The following FMN1 variants were observed in gnomAD, a reference collection of about 807,000 sequenced individuals.
The protein encoded by FMN1 is formin-1.
Under a neutral mutation model 132.4 loss-of-function variants are expected in FMN1, and 110 were observed. The ratio of observed to expected loss-of-function variants is 0.83; its 90% CI spans 0.71 to 0.97. The LOEUF (loss-of-function observed/expected upper bound fraction) is 0.97, where lower values mean the gene tolerates loss of function less well. Among genes scored for constraint, FMN1 ranks in the 50% least tolerant of loss-of-function variants. The probability of loss-of-function intolerance (pLI) is 0.00; values close to 1 mark genes in which losing one functional copy is unlikely to be tolerated. For missense variants in FMN1, 1,792 were observed against 1,705.3 expected, an observed-to-expected ratio of 1.05 and a Z score of -0.90; for synonymous variants, 722 against 651.7, an observed-to-expected ratio of 1.11 and a Z score of -1.64.
chr15:32,943,279 G>A (rs972565949), intron 9 of FMN1, among the ~76,000 whole-genome samples: 2 of 152,180 alleles, frequency 1.3e-5, no homozygotes, highest in South Asian at 4.1e-4. Flanking sequence ...GAACAACAGC[G>A]TGGAGAATTC....
chr15:32,783,169 G>A (rs907537641), intron 19 of FMN1, among the ~76,000 whole-genome samples: 4 of 151,820 alleles, frequency 2.6e-5, no homozygotes, highest in Non-Finnish European at 5.9e-5. Flanking sequence ...AAAAAATAAA[G>A]GTTATATGGC....
intron 2 of FMN1, among the ~76,000 whole-genome samples, chr15:33,187,146 T>C (rs191241937): frequency 5.3e-5 from 8 of 152,332 alleles, no homozygotes; most frequent in East Asian, 1.9e-4. Flanking sequence ...TTCAGAAACA[T>C]TGATATTAAT....
chr15:33,068,542 C>T (rs1482786958), intron 5 of FMN1, among the ~76,000 whole-genome samples: 1 of 152,082 alleles, frequency 6.6e-6, no homozygotes, highest in Non-Finnish European at 1.5e-5. Context: ...CTTACGAAGC[C>T]GCAATCAAGG....
intron 6 of FMN1, among the ~76,000 whole-genome samples, chr15:33,015,744 TACTC>T (rs1343277931): frequency 2.6e-5 from 4 of 152,216 alleles, no homozygotes; most frequent in African/African-American, 7.2e-5. Context: ...ACTTGGACGA[TACTC>T]AATCAGTGCT....
chr15:32,873,261 A>G (rs563613294), intron 16 of FMN1, among the ~76,000 whole-genome samples: 2 of 152,374 alleles, frequency 1.3e-5, no homozygotes, highest in Admixed American at 6.5e-5. Context: ...AGAAGGCTGC[A>G]TTGTCAATTT....
At chr15:33,118,602 G>A (rs929435604) in intron 4 of FMN1, among the ~76,000 whole-genome samples, 7 of 152,124 alleles carry the variant, frequency 4.6e-5, no homozygotes, top group African/African-American at 1.7e-4. Flanking sequence ...GACAGTTCCT[G>A]TAGGAAACAA....
intron 4 of FMN1, among the ~76,000 whole-genome samples, chr15:33,115,138 G>A (rs11855782): frequency 0.1 from 15,911 of 152,152 alleles, 2,525 homozygotes; most frequent in African/African-American, 0.35. Flanking sequence ...TTGCCTTCAA[G>A]GAGTCCAGTC....
intron 2 of FMN1, among the ~76,000 whole-genome samples, chr15:33,184,387 T>G (rs1239191430): frequency 6.6e-6 from 1 of 152,226 alleles, no homozygotes; most frequent in Non-Finnish European, 1.5e-5. Context: ...GGTAGGAATA[T>G]AGATCATTGT....
chr15:32,955,804 C>T (rs927899410), intron 9 of FMN1, among the ~76,000 whole-genome samples: 5 of 138,830 alleles, frequency 3.6e-5, no homozygotes, highest in Admixed American at 6.8e-5. Context: ...GATGTGTGTG[C>T]GTGTGCGTGT....
At chr15:33,155,343 C>G (rs1269268543) in intron 3 of FMN1, among the ~76,000 whole-genome samples, 1 of 152,220 alleles carries the variant, frequency 6.6e-6, no homozygotes, top group Non-Finnish European at 1.5e-5. Context: ...CTCAACTTCT[C>G]TAGACCTTGG....
chr15:33,039,565 T>G (rs2036334753), intron 6 of FMN1, among the ~76,000 whole-genome samples: 1 of 152,172 alleles, frequency 6.6e-6, no homozygotes, highest in African/African-American at 2.4e-5. Context: ...GGATAAACTA[T>G]AAAAATAATA....
At chr15:32,792,930 G>A (rs1189080918) in intron 19 of FMN1, among the ~76,000 whole-genome samples, 1 of 152,132 alleles carries the variant, frequency 6.6e-6, no homozygotes, top group Non-Finnish European at 1.5e-5. Flanking sequence ...TATACATGAG[G>A]AAAATTGATT....
intron 17 of FMN1, among the ~76,000 whole-genome samples, chr15:32,814,066 C>T (rs1252345964): frequency 1.3e-5 from 2 of 152,152 alleles, no homozygotes; most frequent in East Asian, 3.8e-4. Flanking sequence ...TGCTTTAAAA[C>T]AGACCGTGGG....
At chr15:32,870,159 T>C (rs999323831) in intron 16 of FMN1, among the ~76,000 whole-genome samples, 3 of 152,142 alleles carry the variant, frequency 2.0e-5, no homozygotes, top group South Asian at 2.1e-4. Flanking sequence ...TTTCCTTTCA[T>C]GGTAGTAGGA....
At chr15:32,820,199 A>C (rs1396378427) in intron 17 of FMN1, among the ~76,000 whole-genome samples, 2 of 152,194 alleles carry the variant, frequency 1.3e-5, no homozygotes, top group Non-Finnish European at 2.9e-5. Flanking sequence ...TACAACGTGA[A>C]GGGTGTATAT....
At chr15:33,067,710 CT>C (rs1311631884) in intron 5 of FMN1, 1 of 1,613,880 alleles carries the variant, frequency 6.2e-7, no homozygotes, top group Non-Finnish European at 8.5e-7. Context: ...CTATGGAATG[CT>C]TTCAGCACAG....
intron 5 of FMN1, chr15:33,067,813 T>G: frequency 6.2e-7 from 1 of 1,614,006 alleles, no homozygotes; most frequent in Non-Finnish European, 8.5e-7. Flanking sequence ...ACTGAGCCAC[T>G]TCAAGTCCGG....
Position 32,869,997 on chromosome 15 carries a change from G to A in FMN1, c.3836-12890C>T, listed in dbSNP as rs575143521. On this transcript the variant is annotated intron_variant, in intron 16 of 20. Coordinates refer to ENST00000616417, the MANE Select transcript of FMN1 (RefSeq NM_001277313.2). ...TAAGAAGTTAAGCTACAGAAAGAAC[G>A]CCAAAATGGGGAAGTCGTTGGAATT... Among the ~76,000 whole-genome samples the A allele has an allele frequency of 1.1e-3, 163 of 152,142 alleles. 3 individuals are homozygous for A. The highest frequency in any genetic ancestry group is 2.6e-4 in the Non-Finnish European group (18 of 68,024).
chr15:32,969,455 A>G lies in FMN1; in HGVS notation c.2246T>C (p.Phe749Ser), dbSNP rs1037899382. 1 of 1,613,752 alleles carries G rather than the reference A, an allele frequency of 6.2e-7. No homozygotes were observed. The highest frequency in any genetic ancestry group is 8.5e-7 in the Non-Finnish European group (1 of 1,179,836). Residue 749 changes from phenylalanine (F) to serine (S), a missense_variant, in exon 8 of 21, where the codon TTT (phenylalanine) becomes TCT (serine). Phe to Ser is a radical substitution (Grantham distance 155). This residue lies in a region of FMN1 where 1,150 missense variants were observed against 1,043.1 expected (regional missense o/e 1.10). Transcript: ENST00000616417. Reference sequence around the variant, plus strand: ...CATTGCATGCTCGCCCCGGATATGAAATGCCCGAAGTTCAAACTGTGCCTA... The same window carrying G: ...CATTGCATGCTCGCCCCGGATATGAGATGCCCGAAGTTCAAACTGTGCCTA... ...NLQAQFELRAFHIRGEHAMIT... is the reference protein window; with the variant it reads ...NLQAQFELRASHIRGEHAMIT...
Sources: allele counts gnomAD v4.1 joint callset (sites outside exome capture counted in the v4.1 genomes callset), GRCh38; gene constraint gnomAD v4.1.1; regional missense constraint gnomAD v4.1.1; transcripts MANE v1.5; gene names NCBI Gene and HGNC (gene_info 2026-07-23, HGNC 2026-07-21).